Variants in CNTN5 observed in about 807,000 individuals in gnomAD.
The protein encoded by CNTN5 is contactin 5.
CNTN5 carries 77 observed loss-of-function variants against 129.1 expected under a neutral mutation model. The observed-to-expected ratio is 0.60, with a 90% CI of 0.50 to 0.72. CNTN5 has a LOEUF of 0.72. CNTN5 is among the 30% of genes least tolerant of loss of function. CNTN5 has a pLI of 0.00. For missense variants in CNTN5, 1,478 were observed against 1,328.8 expected (o/e 1.11, Z -1.75); for synonymous variants, 509 against 465.6 (o/e 1.09, Z -1.20).
intron 3 of CNTN5, among the ~76,000 whole-genome samples, chr11:99,702,406 G>T (rs1200513637): frequency 6.6e-6 from 1 of 150,768 alleles, no homozygotes; most frequent in Admixed American, 6.6e-5. Context: ...AAAATATCAG[G>T]TGTTAAAAAA....
intron 17 of CNTN5, among the ~76,000 whole-genome samples, chr11:100,256,673 T>C (rs1950077024): frequency 6.6e-6 from 1 of 152,012 alleles, no homozygotes; most frequent in Admixed American, 6.6e-5. Flanking sequence ...GCATGGGGCA[T>C]TGCCTCACCC....
intron 2 of CNTN5, among the ~76,000 whole-genome samples, chr11:99,400,891 A>G (rs558557543): frequency 1.3e-5 from 2 of 152,252 alleles, no homozygotes; most frequent in East Asian, 1.9e-4. Flanking sequence ...TGAGAAATGT[A>G]TATTCAAATG....
chr11:99,706,282 A>G (rs1954753489), intron 3 of CNTN5, among the ~76,000 whole-genome samples: 2 of 151,452 alleles, frequency 1.3e-5, no homozygotes, highest in African/African-American at 4.8e-5. Flanking sequence ...ACAGAACTTT[A>G]TAAAAGGCAC....
rs1294315822 is a variant in CNTN5 at position 100,071,631 on chromosome 11, T to TCTAGGAGAGA, written c.1300-73_1300-64dup. 12 of 1,207,328 alleles carry TCTAGGAGAGA rather than the reference T, an allele frequency of 9.9e-6. No individual in the cohort carries two copies. In the African/African-American group the frequency reaches 1.7e-4, roughly 17 times the overall value. The allele number at this position is 1,207,328 out of a possible 1,614,324, so 74.8% of individuals were successfully genotyped here. A position where few individuals can be genotyped will look rare whatever the true frequency, so the allele number is the denominator to read the frequency against. ...TAATTGCAAACTTGTTTTTTCTTAGTCTAGGAGAGAATACCCATAAAATCC... is the reference window on the plus strand; with the variant it reads ...TAATTGCAAACTTGTTTTTTCTTAGTCTAGGAGAGACTAGGAGAGAATACCCATAAAATCC... On this transcript the variant is annotated intron_variant, in intron 11 of 24. Coordinates refer to ENST00000524871, the MANE Select transcript of CNTN5 (RefSeq NM_014361.4).
intron 10 of CNTN5, among the ~76,000 whole-genome samples, chr11:100,068,370 T>C (rs542357041): frequency 6.6e-6 from 1 of 152,270 alleles, no homozygotes; most frequent in East Asian, 1.9e-4. Flanking sequence ...GATTAATACC[T>C]CTTACTTAAT....
chr11:100,133,576 C>T (rs1375630450), intron 13 of CNTN5, among the ~76,000 whole-genome samples: 1 of 151,988 alleles, frequency 6.6e-6, no homozygotes, highest in Non-Finnish European at 1.5e-5. Context: ...TTATTGGACC[C>T]CAGATAGATA....
chr11:99,807,922 G>A (rs1946320983), intron 3 of CNTN5, among the ~76,000 whole-genome samples: 1 of 152,002 alleles, frequency 6.6e-6, no homozygotes, highest in African/African-American at 2.4e-5. Context: ...AGAATTCAGA[G>A]GACTCTTCAG....
At chr11:100,180,439 A>G (rs988052792) in intron 13 of CNTN5, among the ~76,000 whole-genome samples, 10 of 152,100 alleles carry the variant, frequency 6.6e-5, no homozygotes, top group Middle Eastern at 3.4e-3. Context: ...AACAACAACA[A>G]ACCTCTCAAC....
At chr11:99,099,727 T>C (rs925274630) in intron 1 of CNTN5, among the ~76,000 whole-genome samples, 1 of 152,114 alleles carries the variant, frequency 6.6e-6, no homozygotes, top group African/African-American at 2.4e-5. Context: ...CTATGTAAAA[T>C]AGGGATAATA....
chr11:99,511,079 A>C lies in CNTN5; in HGVS notation c.-70-45066A>C, dbSNP rs1234287695. Among the ~76,000 whole-genome samples, 29 of 146,706 alleles carry C rather than the reference A, an allele frequency of 2.0e-4. 1 individual carries two copies. Among genetic ancestry groups the C allele is most frequent in the Admixed American group, 2.0e-3 (29 of 14,862 alleles). ...TTAATTTAAAAAGCGTAAACATTAAAAAAAATTAAATAGAAAAAATCTTAT... is the reference window on the plus strand; with the variant it reads ...TTAATTTAAAAAGCGTAAACATTAACAAAAATTAAATAGAAAAAATCTTAT... On this transcript the variant is annotated intron_variant, in intron 2 of 24. Coordinates refer to ENST00000524871, the MANE Select transcript of CNTN5 (RefSeq NM_014361.4).
chr11:99,748,904 T>C (rs1944145237), intron 3 of CNTN5, among the ~76,000 whole-genome samples: 1 of 152,252 alleles, frequency 6.6e-6, no homozygotes, highest in South Asian at 2.1e-4. Context: ...GATAATATTT[T>C]ACCAGCCATC....
intron 17 of CNTN5, among the ~76,000 whole-genome samples, chr11:100,261,027 G>A (rs1255587820): frequency 1.3e-5 from 2 of 152,170 alleles, no homozygotes; most frequent in Non-Finnish European, 2.9e-5. Context: ...CACATGACAT[G>A]ACTGTATATT....
intron 1 of CNTN5, among the ~76,000 whole-genome samples, chr11:99,309,232 TTTTTGTATTCTGGAGG>T (rs1865001184): frequency 6.6e-6 from 1 of 151,636 alleles, no homozygotes; most frequent in Non-Finnish European, 1.5e-5. Flanking sequence ...CTTTTTTTTT[TTTTTGTATTCTGGAGG>T]TTACAAGTGA....
intron 3 of CNTN5, among the ~76,000 whole-genome samples, chr11:99,713,484 T>G (rs1426371064): frequency 6.6e-6 from 1 of 152,064 alleles, no homozygotes; most frequent in Non-Finnish European, 1.5e-5. Flanking sequence ...TGAATACCCT[T>G]TATTTCTTTG....
chr11:100,212,159 T>A (rs1949046440), intron 15 of CNTN5, among the ~76,000 whole-genome samples: 1 of 152,182 alleles, frequency 6.6e-6, no homozygotes, highest in African/African-American at 2.4e-5. Flanking sequence ...AAAAATTAAA[T>A]CATATTTTAC....
chr11:99,481,452 T>A (rs952977276), intron 2 of CNTN5, among the ~76,000 whole-genome samples: 1 of 152,192 alleles, frequency 6.6e-6, no homozygotes, highest in Admixed American at 6.5e-5. Flanking sequence ...TATTCACTGT[T>A]GTATCCCTAG....
At chr11:100,265,189 A>G (rs1246249398) in intron 17 of CNTN5, among the ~76,000 whole-genome samples, 1 of 152,136 alleles carries the variant, frequency 6.6e-6, no homozygotes, top group African/African-American at 2.4e-5. Context: ...CGATTTCTGC[A>G]AGTGATCAAT....
intron 18 of CNTN5, among the ~76,000 whole-genome samples, chr11:100,290,161 C>T (rs1036675947): frequency 3.6e-4 from 55 of 151,754 alleles, no homozygotes; most frequent in African/African-American, 1.1e-3. Context: ...GAATCTTTAT[C>T]GTGAAAATGG....
At chr11:99,289,219 G>C (rs750754506) in intron 1 of CNTN5, among the ~76,000 whole-genome samples, 3 of 151,772 alleles carry the variant, frequency 2.0e-5, no homozygotes, top group African/African-American at 4.8e-5. Flanking sequence ...CTCTGCAACT[G>C]TACCAGATAT....
Sources: allele counts gnomAD v4.1 joint callset (sites outside exome capture counted in the v4.1 genomes callset), GRCh38; gene constraint gnomAD v4.1.1; transcripts MANE v1.5; gene names NCBI Gene and HGNC (gene_info 2026-07-23, HGNC 2026-07-21).